HSD17B12: variants seen among roughly 807,000 people sequenced by gnomAD.
HSD17B12 encodes very-long-chain 3-oxoacyl-CoA reductase.
A neutral mutation model predicts 39.3 loss-of-function variants in HSD17B12; 32 were observed. The observed-to-expected ratio is 0.81, with a 90% CI of 0.61 to 1.09. HSD17B12 has a LOEUF of 1.09. Ranked by LOEUF, HSD17B12 falls within the 50% of genes least tolerant of loss-of-function variation. The probability of loss-of-function intolerance (pLI) is 0.00; values close to 1 mark genes in which losing one functional copy is unlikely to be tolerated. For synonymous variants in HSD17B12, 150 were observed against 146.7 expected, an observed-to-expected ratio of 1.02 and a Z score of -0.16; for missense variants, 342 against 382.9, an observed-to-expected ratio of 0.89 and a Z score of 0.89.
chr11:43,754,761 T>G (rs544687497), intron 3 of HSD17B12: 63 of 597,598 alleles, frequency 1.1e-4, no homozygotes, highest in Non-Finnish European at 1.8e-4. Context: ...CTGAATGTTT[T>G]TTACTCTTTT....
chr11:43,684,808 T>G (rs1189257881), intron 1 of HSD17B12, among the ~76,000 whole-genome samples: 1 of 152,188 alleles, frequency 6.6e-6, no homozygotes, highest in African/African-American at 2.4e-5. Context: ...TTTCAGAACA[T>G]TTTCATCTTC....
the HSD17B12 span, among the ~76,000 whole-genome samples, chr11:43,654,573 T>C: frequency 2.0e-5 from 3 of 152,204 alleles, no homozygotes; most frequent in African/African-American, 7.2e-5. Flanking sequence ...AATTTTTGTA[T>C]AAGATGTAAG....
chr11:43,694,396 A>T (rs1199850824), intron 1 of HSD17B12, among the ~76,000 whole-genome samples: 1 of 152,134 alleles, frequency 6.6e-6, no homozygotes, highest in Non-Finnish European at 1.5e-5. Context: ...AATTTCTCAA[A>T]TGTTGCTTCA....
chr11:43,656,749 C>T, the HSD17B12 span, among the ~76,000 whole-genome samples: 1 of 152,180 alleles, frequency 6.6e-6, no homozygotes, highest in African/African-American at 2.4e-5. Context: ...AGTTTGATTG[C>T]ACTGTGGTCT....
At chr11:43,848,642 A>G (rs1229229150) in intron 9 of HSD17B12, 1 of 152,248 alleles carries the variant, frequency 6.6e-6, no homozygotes, top group Non-Finnish European at 1.5e-5. Flanking sequence ...GGAAGATTCT[A>G]TAGCCTCTAA....
chr11:43,571,994 C>G, the HSD17B12 span, among the ~76,000 whole-genome samples: 1 of 152,176 alleles, frequency 6.6e-6, no homozygotes, highest in African/African-American at 2.4e-5. Flanking sequence ...ATGCTAGTTT[C>G]TGAAGGAGCG....
At chr11:43,629,740 G>A in the HSD17B12 span, among the ~76,000 whole-genome samples, 2 of 152,196 alleles carry the variant, frequency 1.3e-5, no homozygotes, top group Non-Finnish European at 2.9e-5. Flanking sequence ...AGCCCACCGG[G>A]TTGGACTTCC....
chr11:43,725,157 A>G (rs1284987681), intron 1 of HSD17B12, among the ~76,000 whole-genome samples: 2 of 152,220 alleles, frequency 1.3e-5, no homozygotes, highest in Non-Finnish European at 2.9e-5. Context: ...AGGTAAGAGT[A>G]TAGGCACTGG....
chr11:43,771,460 T>C (rs1030156057), intron 3 of HSD17B12, among the ~76,000 whole-genome samples: 1 of 118,826 alleles, frequency 8.4e-6, no homozygotes, highest in African/African-American at 3.1e-5. Flanking sequence ...TGGACTCATA[T>C]TCTTTTTTTT....
chr11:43,609,388 T>C, the HSD17B12 span, among the ~76,000 whole-genome samples: 2 of 150,642 alleles, frequency 1.3e-5, no homozygotes, highest in Non-Finnish European at 3.0e-5. Context: ...ATTTTAAAGA[T>C]AGGGTCTAAC....
At chr11:43,758,046 C>T (rs1355337773) in intron 3 of HSD17B12, among the ~76,000 whole-genome samples, 1 of 152,144 alleles carries the variant, frequency 6.6e-6, no homozygotes, top group Non-Finnish European at 1.5e-5. Context: ...TTATGGCCCC[C>T]CAGTCTCATT....
chr11:43,748,469 G>A (rs1950436350), intron 1 of HSD17B12, among the ~76,000 whole-genome samples: 1 of 152,082 alleles, frequency 6.6e-6, no homozygotes, highest in South Asian at 2.1e-4. Context: ...AGAGGGTGGA[G>A]GGAAAGGGGG....
rs1022419116 is a variant in HSD17B12 at position 43,682,201 on chromosome 11, A to G, written c.160+1214A>G. 1.1e-4 allele frequency among the ~76,000 whole-genome samples: 16 copies of G among 152,320 alleles called. No individual in the cohort carries two copies. The East Asian group carries it at 2.3e-3, about 22-fold the overall frequency. On this transcript the variant is annotated intron_variant, in intron 1 of 10. Transcript: ENST00000278353. Reference sequence around the variant, plus strand: ...GTGGATATGTATGTGAAATCTTTGGACGATGTGGAGCAACATTATAATTCT... The same window carrying G: ...GTGGATATGTATGTGAAATCTTTGGGCGATGTGGAGCAACATTATAATTCT...
rs11037606 is a variant in HSD17B12 at position 43,761,574 on chromosome 11, T to C, written c.283+7453T>C. ...ACTTAGACAATCCTTTTGCTCCTCATGGCATTACTGAGGTCACTCAGTGAT... is the reference window on the plus strand; with the variant it reads ...ACTTAGACAATCCTTTTGCTCCTCACGGCATTACTGAGGTCACTCAGTGAT... On this transcript the variant is annotated intron_variant, in intron 3 of 10. Transcript: ENST00000278353. Among the ~76,000 whole-genome samples, 595 of 152,322 alleles carry C rather than the reference T, an allele frequency of 3.9e-3. 6 individuals are homozygous for C. In the East Asian group the frequency reaches 0.045, roughly 11 times the overall value.
At chr11:43,813,119 G>A (rs1402134689) in intron 4 of HSD17B12, among the ~76,000 whole-genome samples, 1 of 152,096 alleles carries the variant, frequency 6.6e-6, no homozygotes, top group Non-Finnish European at 1.5e-5. Flanking sequence ...GGGATTACAG[G>A]CGTGAGCCAC....
At chr11:43,636,959 T>C in the HSD17B12 span, among the ~76,000 whole-genome samples, 1 of 152,218 alleles carries the variant, frequency 6.6e-6, no homozygotes, top group African/African-American at 2.4e-5. Flanking sequence ...GGGCAAGCTC[T>C]GTACCCAAAA....
chr11:43,590,334 G>A, the HSD17B12 span, among the ~76,000 whole-genome samples: 1 of 148,826 alleles, frequency 6.7e-6, no homozygotes, highest in African/African-American at 2.5e-5. Flanking sequence ...AAATTGCAAT[G>A]ACATTGCACC....
At chr11:43,747,199 T>C (rs1003041424) in intron 1 of HSD17B12, among the ~76,000 whole-genome samples, 1 of 152,222 alleles carries the variant, frequency 6.6e-6, no homozygotes, top group African/African-American at 2.4e-5. Context: ...CTTGTGCATG[T>C]TGCCTAGCAA....
intron 3 of HSD17B12, among the ~76,000 whole-genome samples, chr11:43,791,617 C>G (rs1202957146): frequency 7.2e-5 from 11 of 151,872 alleles, no homozygotes; most frequent in Non-Finnish European, 1.6e-4. Context: ...TTCTGTTGAC[C>G]TTTTGTTTAC....
Sources: gnomAD v4.1 joint callset for allele counts (sites outside exome capture counted in the v4.1 genomes callset) on GRCh38, gnomAD v4.1.1 for gene constraint, MANE v1.5 for transcripts, NCBI Gene and HGNC (gene_info 2026-07-23, HGNC 2026-07-21) for gene names.